The following CCDC170 variants were observed in gnomAD, a reference collection of about 807,000 sequenced individuals.
CCDC170 encodes coiled-coil domain-containing protein 170.
In CCDC170, 69 loss-of-function variants were observed where a neutral mutation model predicts 72.6. The ratio of observed to expected loss-of-function variants is 0.95; its 90% CI spans 0.78 to 1.16. The LOEUF (loss-of-function observed/expected upper bound fraction) is 1.16. CCDC170 is among the 50% of genes most tolerant of loss of function. CCDC170 has a pLI of 0.00. For synonymous variants in CCDC170, 300 were observed against 303.9 expected (o/e 0.99, Z 0.13); for missense variants, 852 against 832.5 (o/e 1.02, Z -0.29).
At position 151,596,549 on chromosome 6, in the gene CCDC170, C is replaced by A; in HGVS notation, c.1682C>A (p.Ala561Asp). ...CGAGACTTGCACACCGAGCTCAAAG[C>A]CAAACTGGCCGACACCAATGAACTG... Reference protein sequence around the residue: ...TCRDLHTELKAKLADTNELKI... With the variant: ...TCRDLHTELKDKLADTNELKI... Residue 561 changes from alanine to aspartate, a missense_variant, in exon 9 of 11, where the codon GCC becomes GAC. Ala to Asp is a moderately radical substitution (Grantham distance 126). Transcript: ENST00000239374. 1 of 1,614,110 alleles carries A rather than the reference C, an allele frequency of 6.2e-7. No homozygotes were observed. Among genetic ancestry groups the A allele is most frequent in the South Asian group, 1.1e-5 (1 of 91,072 alleles).
chr6:151,542,550 A>G (rs1463973134), intron 3 of CCDC170, among the ~76,000 whole-genome samples: 1 of 152,244 alleles, frequency 6.6e-6, no homozygotes, highest in African/African-American at 2.4e-5. Flanking sequence ...GGCCCATTGT[A>G]TTCCATTGCT....
chr6:151,580,393 G>T (rs1369252464), intron 6 of CCDC170, among the ~76,000 whole-genome samples: 4 of 152,002 alleles, frequency 2.6e-5, no homozygotes, highest in Non-Finnish European at 5.9e-5. Flanking sequence ...GCAGCATCTT[G>T]TGGACATTTT....
intron 9 of CCDC170, among the ~76,000 whole-genome samples, chr6:151,603,921 G>T (rs574715846): frequency 3.3e-5 from 5 of 152,180 alleles, no homozygotes; most frequent in Admixed American, 6.5e-5. Context: ...AAGTGAAGTC[G>T]GTCTGAGAAA....
At chr6:151,513,536 G>T (rs1447782182) in intron 1 of CCDC170, among the ~76,000 whole-genome samples, 1 of 149,686 alleles carries the variant, frequency 6.7e-6, no homozygotes, top group Non-Finnish European at 1.5e-5. Context: ...CTTCAGCCTG[G>T]GAGGCAGAGG....
chr6:151,552,649 G>A (rs1782898631), intron 5 of CCDC170, among the ~76,000 whole-genome samples: 1 of 152,056 alleles, frequency 6.6e-6, no homozygotes, highest in African/African-American at 2.4e-5. Flanking sequence ...CCTTCAGGAT[G>A]TACCCTGTGA....
At chr6:151,505,712 G>A (rs572393323) in intron 1 of CCDC170, among the ~76,000 whole-genome samples, 50 of 152,196 alleles carry the variant, frequency 3.3e-4, no homozygotes, top group African/African-American at 1.1e-3. Flanking sequence ...TTCTTGTGCT[G>A]TGACTCCTCA....
chr6:151,502,515 C>T (rs542474787), intron 1 of CCDC170, among the ~76,000 whole-genome samples: 2 of 152,294 alleles, frequency 1.3e-5, no homozygotes, highest in East Asian at 3.9e-4. Context: ...ATAGTCTAAC[C>T]TCAATATCTG....
chr6:151,498,788 G>A (rs1273475224), intron 1 of CCDC170, among the ~76,000 whole-genome samples: 1 of 152,116 alleles, frequency 6.6e-6, no homozygotes, highest in East Asian at 1.9e-4. Context: ...CAATCAGACT[G>A]TATTAAACTA....
intron 1 of CCDC170, among the ~76,000 whole-genome samples, chr6:151,503,070 G>C (rs375322440): frequency 6.6e-6 from 1 of 152,026 alleles, no homozygotes; most frequent in Non-Finnish European, 1.5e-5. Flanking sequence ...CCAGCTGCTC[G>C]GGAAGCTGAG....
intron 1 of CCDC170, among the ~76,000 whole-genome samples, chr6:151,512,957 A>G (rs1412359252): frequency 2.0e-5 from 3 of 152,198 alleles, no homozygotes; most frequent in African/African-American, 7.2e-5. Flanking sequence ...AATTGGTGGG[A>G]GTGTAAGTTG....
chr6:151,511,790 T>G (rs1782154179), intron 1 of CCDC170, among the ~76,000 whole-genome samples: 4 of 152,208 alleles, frequency 2.6e-5, no homozygotes, highest in Admixed American at 2.6e-4. Context: ...ATCTTAATCT[T>G]AATTTACATT....
intron 4 of CCDC170, 115 bp from the exon 5 acceptor site, chr6:151,548,189 G>T: frequency 1.1e-6 from 1 of 877,050 alleles, no homozygotes; most frequent in Non-Finnish European, 1.6e-6. Flanking sequence ...AGTCCATGTA[G>T]GGATAGTGCT....
At chr6:151,568,977 T>A (rs1562285116) in intron 5 of CCDC170, among the ~76,000 whole-genome samples, 1 of 152,214 alleles carries the variant, frequency 6.6e-6, no homozygotes, top group African/African-American at 2.4e-5. Context: ...TAAGTGCATA[T>A]TAAGTTTTGT....
At chr6:151,506,798 G>A (rs1645690482) in intron 1 of CCDC170, among the ~76,000 whole-genome samples, 1 of 152,112 alleles carries the variant, frequency 6.6e-6, no homozygotes, top group African/African-American at 2.4e-5. Context: ...CTGTAATGTG[G>A]GTGGGCCTCA....
At chr6:151,515,761 G>A (rs575200924) in intron 1 of CCDC170, among the ~76,000 whole-genome samples, 1 of 152,252 alleles carries the variant, frequency 6.6e-6, no homozygotes, top group East Asian at 1.9e-4. Flanking sequence ...AGCTTTGCAG[G>A]ACCACTTAAA....
chr6:151,515,907 A>C (rs1318387776), intron 1 of CCDC170, among the ~76,000 whole-genome samples: 1 of 152,026 alleles, frequency 6.6e-6, no homozygotes, highest in Non-Finnish European at 1.5e-5. Context: ...CTCTACTAAA[A>C]ATACAAAAAT....
At chr6:151,598,515 G>A (rs1486792664) in intron 9 of CCDC170, among the ~76,000 whole-genome samples, 1 of 152,174 alleles carries the variant, frequency 6.6e-6, no homozygotes, top group Non-Finnish European at 1.5e-5. Flanking sequence ...AGCAGCTACA[G>A]CCGAGCCTTG....
At chr6:151,580,839 G>A (rs1776369410) in intron 6 of CCDC170, among the ~76,000 whole-genome samples, 1 of 152,084 alleles carries the variant, frequency 6.6e-6, no homozygotes, top group Non-Finnish European at 1.5e-5. Context: ...AGAGACCACT[G>A]CGACAAAGCA....
intron 9 of CCDC170, among the ~76,000 whole-genome samples, chr6:151,613,054 A>G (rs1421538476): frequency 1.3e-5 from 2 of 152,148 alleles, no homozygotes; most frequent in African/African-American, 4.8e-5. Flanking sequence ...GCTTCCTTGT[A>G]AATGCACTTT....
Sources: allele counts gnomAD v4.1 joint callset (sites outside exome capture counted in the v4.1 genomes callset), GRCh38; gene constraint gnomAD v4.1.1; transcripts MANE v1.5; gene names NCBI Gene and HGNC (gene_info 2026-07-23, HGNC 2026-07-21).